LARP1B: variants seen among roughly 807,000 people sequenced by gnomAD.
LARP1B encodes the protein la-related protein 1B.
Under a neutral mutation model 114.2 loss-of-function variants are expected in LARP1B, and 76 were observed. That is an observed-to-expected ratio of 0.67 (90% CI 0.55 to 0.81). The LOEUF (loss-of-function observed/expected upper bound fraction) is 0.81, where lower values mean the gene tolerates loss of function less well. Ranked by LOEUF, LARP1B falls within the 30% of genes least tolerant of loss-of-function variation. The pLI, the probability that LARP1B is intolerant of heterozygous loss-of-function variation, is 0.00. For missense variants in LARP1B, 1,014 were observed against 1,075.8 expected, an observed-to-expected ratio of 0.94 and a Z score of 0.80; for synonymous variants, 345 against 348.0, an observed-to-expected ratio of 0.99 and a Z score of 0.10.
At chr4:128,161,031 G>A (rs892860555) in intron 11 of LARP1B, among the ~76,000 whole-genome samples, 2 of 152,122 alleles carry the variant, frequency 1.3e-5, no homozygotes, top group Admixed American at 6.5e-5. Context: ...GCTTAAACCC[G>A]CTTTGGATGT....
At chr4:128,074,542 C>T in intron 2 of LARP1B, 24 bp downstream of exon 2, 2 of 804,568 alleles carry the variant, frequency 2.5e-6, no homozygotes, top group Non-Finnish European at 3.0e-6. Flanking sequence ...GGAAATAGTT[C>T]TTAACTGTAT....
intron 5 of LARP1B, among the ~76,000 whole-genome samples, chr4:128,087,773 G>C (rs1279737696): frequency 6.6e-6 from 1 of 152,082 alleles, no homozygotes. Flanking sequence ...CAGCTACTTG[G>C]GAGGTTGAGG....
At position 128,069,041 on chromosome 4, in the gene LARP1B, A is replaced by T. The variant is rs550572546; in HGVS notation, c.-77-5419A>T. 7.7e-5 allele frequency: 74 copies of T among 955,200 alleles called. 1 individual carries two copies. In the South Asian group the frequency reaches 1.0e-3, roughly 13 times the overall value. The allele number at this position is 955,200 out of a possible 1,614,324, so 59.2% of individuals were successfully genotyped here. On this transcript the variant is annotated intron_variant, in intron 1 of 19. Coordinates refer to ENST00000326639, the MANE Select transcript of LARP1B (RefSeq NM_018078.4). ...GGCTGTAACGGTGGAGCTGGAGAGT[A>T]TTGCGCCTTCTCCAAGCTCCCTGGT...
intron 16 of LARP1B, 23 bp downstream of exon 16, chr4:128,199,622 A>G (rs549496370): frequency 1.0e-5 from 13 of 1,243,700 alleles, no homozygotes; most frequent in Non-Finnish European, 1.4e-5. Flanking sequence ...TCCTTTATCT[A>G]TCTAATATAT....
At chr4:128,094,618 T>C (rs1777238901) in intron 7 of LARP1B, among the ~76,000 whole-genome samples, 1 of 151,880 alleles carries the variant, frequency 6.6e-6, no homozygotes, top group African/African-American at 2.4e-5. Flanking sequence ...TGTTGCCCCA[T>C]CTGGTCTCGA....
At chr4:128,195,406 C>T (rs532297606) in intron 15 of LARP1B, among the ~76,000 whole-genome samples, 1 of 152,256 alleles carries the variant, frequency 6.6e-6, no homozygotes, top group East Asian at 1.9e-4. Context: ...TTTTGATCTA[C>T]CTCTTTGCTT....
intron 8 of LARP1B, among the ~76,000 whole-genome samples, chr4:128,099,862 G>A (rs1046213102): frequency 3.3e-5 from 5 of 152,010 alleles, no homozygotes; most frequent in African/African-American, 1.2e-4. Flanking sequence ...GCATTCCCAC[G>A]ATTATCTATA....
At chr4:128,095,895 G>A (rs1561183059) in intron 7 of LARP1B, among the ~76,000 whole-genome samples, 1 of 150,774 alleles carries the variant, frequency 6.6e-6, no homozygotes, top group Non-Finnish European at 1.5e-5. Flanking sequence ...TTGATGTTAT[G>A]TATTTCTTTT....
chr4:128,149,099 A>G (rs1472304290), intron 11 of LARP1B, among the ~76,000 whole-genome samples: 4 of 152,204 alleles, frequency 2.6e-5, no homozygotes, highest in African/African-American at 7.2e-5. Flanking sequence ...CTTTCTGTGC[A>G]TTAACATTAG....
chr4:128,195,916 T>C (rs72924458), intron 15 of LARP1B, among the ~76,000 whole-genome samples: 252 of 151,812 alleles, frequency 1.7e-3, no homozygotes, highest in African/African-American at 5.9e-3. Context: ...AACAAACAAA[T>C]GGGATATTAC....
rs1758910677 is a variant in LARP1B at position 128,211,172 on chromosome 4, A to G, written c.*1119A>G. 4.4e-6 allele frequency: 4 copies of G among 916,568 alleles called. No homozygotes were observed. The highest frequency in any genetic ancestry group is 5.1e-5 in the South Asian group (1 of 19,778). 56.8% of individuals were successfully genotyped at this position (916,568 alleles called of 1,614,324 possible). ...ATTTTTAATTATTTTTATTTAGAATATAGTTGAAAAGCTGTAATATTCAGT... is the reference window on the plus strand; with the variant it reads ...ATTTTTAATTATTTTTATTTAGAATGTAGTTGAAAAGCTGTAATATTCAGT... On this transcript the variant is annotated 3_prime_UTR_variant, in exon 20 of 20. Transcript: ENST00000326639.
At chr4:128,062,158 C>G in intron 1 of LARP1B, 1 of 985,382 alleles carries the variant, frequency 1.0e-6, no homozygotes, top group Non-Finnish European at 1.2e-6. Context: ...AAAAGCCTCC[C>G]CAGCACCTGT....
chr4:128,094,008 A>AC (rs1776879067), intron 7 of LARP1B, among the ~76,000 whole-genome samples: 1 of 143,380 alleles, frequency 7.0e-6, no homozygotes, highest in Non-Finnish European at 1.5e-5. Context: ...ACCGTGCCTG[A>AC]CCTTTTTTTT....
At chr4:128,198,779 T>TGGAA (rs2150874814) in intron 15 of LARP1B, among the ~76,000 whole-genome samples, 1 of 152,292 alleles carries the variant, frequency 6.6e-6, no homozygotes, top group Admixed American at 6.5e-5. Context: ...AAGGGACACT[T>TGGAA]GGAAAAACAA....
At chr4:128,181,537 TTATAATGATCC>T (rs1440839161) in intron 15 of LARP1B, among the ~76,000 whole-genome samples, 4 of 152,278 alleles carry the variant, frequency 2.6e-5, no homozygotes, top group African/African-American at 9.6e-5. Context: ...GATTGAGTTT[TTATAATGATCC>T]TATTTTATCT....
At chr4:128,176,113 T>C (rs1256842474) in intron 12 of LARP1B, among the ~76,000 whole-genome samples, 1 of 144,622 alleles carries the variant, frequency 6.9e-6, no homozygotes, top group African/African-American at 2.5e-5. Context: ...TATACACACA[T>C]ATATATACAC....
chr4:128,170,181 T>G (rs1742956384), intron 12 of LARP1B, among the ~76,000 whole-genome samples: 1 of 152,180 alleles, frequency 6.6e-6, no homozygotes. Flanking sequence ...GAACATACTT[T>G]ACATTATTTT....
chr4:128,114,007 A>G (rs1216246295), intron 9 of LARP1B, among the ~76,000 whole-genome samples: 4 of 152,080 alleles, frequency 2.6e-5, no homozygotes, highest in African/African-American at 9.7e-5. Flanking sequence ...GCCAGTCGAC[A>G]CTTCACTCTT....
chr4:128,095,832 T>G (rs1312854344), intron 7 of LARP1B, among the ~76,000 whole-genome samples: 2 of 152,154 alleles, frequency 1.3e-5, no homozygotes, highest in African/African-American at 4.8e-5. Flanking sequence ...TTGAAAACTT[T>G]CTCTGTGATT....
Sources: allele counts gnomAD v4.1 joint callset (sites outside exome capture counted in the v4.1 genomes callset), GRCh38; gene constraint gnomAD v4.1.1; transcripts MANE v1.5; gene names NCBI Gene and HGNC (gene_info 2026-07-23, HGNC 2026-07-21).